DMD: variants seen among roughly 807,000 people sequenced by gnomAD.
DMD encodes the protein dystrophin.
In DMD, 63 loss-of-function variants were observed where a neutral mutation model predicts 330.1. The ratio of observed to expected loss-of-function variants is 0.19; its 90% CI spans 0.16 to 0.24. The LOEUF is 0.24. Among genes scored for constraint, DMD ranks in the 10% least tolerant of loss-of-function variants. The probability of loss-of-function intolerance (pLI) is 1.00; values close to 1 mark genes in which losing one functional copy is unlikely to be tolerated. For missense variants in DMD, 3,344 were observed against 2,684.1 expected (o/e 1.25, Z -5.43); for synonymous variants, 1,223 against 959.8 (o/e 1.27, Z -5.07).
At chrX:32,839,260 G>T (rs2079938342) in intron 4 of DMD, among the ~76,000 whole-genome samples, 1 of 110,632 alleles carries the variant, frequency 9.0e-6, no homozygotes, top group Non-Finnish European at 1.9e-5. Context: ...TTCACCTTAA[G>T]GTCTTTATTA....
rs1603633866 is a variant in DMD, at chrX:32,454,777, T to C, written c.3488A>G (p.Gln1163Arg). Residue 1163 changes from glutamine to arginine, a missense_variant, in exon 26 of 79, where the codon CAG (glutamine) becomes CGG (arginine). By Grantham distance (43) the Gln-to-Arg change is conservative. Transcript: ENST00000357033. Reference sequence around the variant, plus strand: ...TTCGTGCATCTCTGATAGATCTTTCTGGAGGCTTACAGTTTTCTCCAAACC... The same window carrying C: ...TTCGTGCATCTCTGATAGATCTTTCCGGAGGCTTACAGTTTTCTCCAAACC... Reference protein sequence around the residue: ...KGGLEKTVSLQKDLSEMHEWM... With the variant: ...KGGLEKTVSLRKDLSEMHEWM... 1 of 1,204,949 alleles carries C rather than the reference T, an allele frequency of 8.3e-7. No homozygotes were observed. The highest frequency in any genetic ancestry group is 2.2e-5 in the Admixed American group (1 of 45,400).
chrX:32,372,797 A>T (rs2097884641), intron 34 of DMD, among the ~76,000 whole-genome samples: 1 of 111,793 alleles, frequency 8.9e-6, no homozygotes, highest in South Asian at 3.7e-4. Flanking sequence ...TCAATCTTTT[A>T]TCTCATTTGT....
intron 54 of DMD, among the ~76,000 whole-genome samples, chrX:31,646,293 G>T (rs933901445): frequency 3.6e-5 from 4 of 110,019 alleles, no homozygotes; most frequent in South Asian, 3.9e-4. Context: ...AAAGAGAGAA[G>T]TGAAACAGAA....
chrX:32,853,371 C>T (rs1179251165), intron 2 of DMD, among the ~76,000 whole-genome samples: 1 of 111,953 alleles, frequency 8.9e-6, no homozygotes, highest in African/African-American at 3.2e-5. Context: ...AAAAAGGAAG[C>T]TTTCAGTTAA....
At chrX:31,909,116 T>C (rs2094515106) in intron 47 of DMD, among the ~76,000 whole-genome samples, 1 of 112,316 alleles carries the variant, frequency 8.9e-6, no homozygotes, top group Non-Finnish European at 1.9e-5. Context: ...TGACAGATAT[T>C]GGTTGGTTAT....
At chrX:31,722,507 C>A (rs1426171251) in intron 52 of DMD, among the ~76,000 whole-genome samples, 1 of 111,037 alleles carries the variant, frequency 9.0e-6, no homozygotes, top group Non-Finnish European at 1.9e-5. Context: ...GTAACTTAGA[C>A]ATATACAAAA....
intron 55 of DMD, among the ~76,000 whole-genome samples, chrX:31,602,601 T>C (rs2077422332): frequency 9.0e-6 from 1 of 111,345 alleles, no homozygotes; most frequent in African/African-American, 3.3e-5. Context: ...AATTGAAAAT[T>C]AACACACCTA....
chrX:32,368,407 G>A (rs2097861779), intron 34 of DMD, among the ~76,000 whole-genome samples: 1 of 111,692 alleles, frequency 9.0e-6, no homozygotes. Context: ...AAGGCGGAGT[G>A]TGCATGGGAT....
At chrX:33,129,325 CT>C (rs58505662) in intron 1 of DMD, among the ~76,000 whole-genome samples, 376 of 30,568 alleles carry the variant, frequency 0.012, 2 homozygotes, top group African/African-American at 0.042. Context: ...TTAAGGTTTG[CT>C]TTTTTTTTTT....
At chrX:31,651,337 T>C (rs2080440894) in intron 54 of DMD, among the ~76,000 whole-genome samples, 2 of 111,360 alleles carry the variant, frequency 1.8e-5, no homozygotes, top group African/African-American at 6.5e-5. Context: ...AAGTTGACAC[T>C]GAGGAGTCTT....
At chrX:32,807,574 T>A (rs1442979063) in intron 7 of DMD, among the ~76,000 whole-genome samples, 1 of 111,777 alleles carries the variant, frequency 8.9e-6, no homozygotes, top group East Asian at 2.8e-4. Context: ...TACTTCCCAC[T>A]TAGGAGAGCA....
Position 31,298,410 on chromosome X carries a change from TAC to T in DMD, c.9224+25186_9224+25187del, listed in dbSNP as rs35043650. Reference sequence around the variant, plus strand: ...ATTCAAACACACACACACACACACATACACACACACACACACACACATACACA... The same window carrying T: ...ATTCAAACACACACACACACACACATACACACACACACACACACATACACA... On this transcript the variant is annotated intron_variant, in intron 62 of 78. Transcript: ENST00000357033. 2.0e-3 allele frequency among the ~76,000 whole-genome samples: 194 copies of T among 97,634 alleles called. 1 individual carries two copies. The highest frequency in any genetic ancestry group is 8.7e-3 in the East Asian group (26 of 3,002). The allele number at this position is 97,634 out of a possible 115,157, so 84.8% of individuals were successfully genotyped here. A position where few individuals can be genotyped will look rare whatever the true frequency, so the allele number is the denominator to read the frequency against.
chrX:32,286,251 C>T (rs898561100), intron 43 of DMD, among the ~76,000 whole-genome samples: 4 of 111,510 alleles, frequency 3.6e-5, no homozygotes, highest in Admixed American at 9.6e-5. Flanking sequence ...ATATTCTACA[C>T]GGTAGCCACC....
chrX:32,588,322 T>A (rs1184652907), intron 13 of DMD, among the ~76,000 whole-genome samples: 1 of 111,603 alleles, frequency 9.0e-6, no homozygotes, highest in Non-Finnish European at 1.9e-5. Context: ...CTAGGTAGAG[T>A]GGCCAATTTC....
rs763240094 is a variant in DMD at position 31,571,486 on chromosome X, T to C, written c.8217+56187A>G. 5.4e-5 allele frequency among the ~76,000 whole-genome samples: 6 copies of C among 110,913 alleles called. No individual in the cohort carries two copies. In the East Asian group the frequency reaches 1.7e-3, roughly 31 times the overall value. Reference sequence around the variant, plus strand: ...TAAAAATCTGTCTCCGCTACTAGATTGTGAGCTCTGACTTCAAAGACTATA... The same window carrying C: ...TAAAAATCTGTCTCCGCTACTAGATCGTGAGCTCTGACTTCAAAGACTATA... On this transcript the variant is annotated intron_variant, in intron 55 of 78. Transcript: ENST00000357033.
At chrX:32,973,106 G>GC (rs1035158512) in intron 2 of DMD, among the ~76,000 whole-genome samples, 3 of 111,691 alleles carry the variant, frequency 2.7e-5, no homozygotes, top group African/African-American at 9.8e-5. Context: ...CTCCAATTGA[G>GC]CCATATTTCT....
intron 54 of DMD, among the ~76,000 whole-genome samples, chrX:31,654,074 T>C (rs1412565653): frequency 8.9e-6 from 1 of 112,367 alleles, no homozygotes; most frequent in Non-Finnish European, 1.9e-5. Context: ...GATGTATTAA[T>C]AAACTTAAAC....
intron 7 of DMD, among the ~76,000 whole-genome samples, chrX:32,745,882 T>A (rs758438321): frequency 1.4e-4 from 16 of 112,158 alleles, no homozygotes; most frequent in Non-Finnish European, 2.3e-4. Context: ...CAAAATTCTG[T>A]ATTTTCCTTA....
At chrX:32,706,253 G>A in intron 7 of DMD, among the ~76,000 whole-genome samples, 1 of 74,457 alleles carries the variant, frequency 1.3e-5, no homozygotes, top group East Asian at 5.6e-4. Flanking sequence ...GGAGGGGGGA[G>A]GGATAGCATT....
Sources: allele counts gnomAD v4.1 joint callset (sites outside exome capture counted in the v4.1 genomes callset), GRCh38; gene constraint gnomAD v4.1.1; transcripts MANE v1.5; gene names NCBI Gene and HGNC (gene_info 2026-07-23, HGNC 2026-07-21).